EIPR1: variants seen among roughly 807,000 people sequenced by gnomAD.
The protein encoded by EIPR1 is EARP complex and GARP complex interacting protein 1.
EIPR1 carries 25 observed loss-of-function variants against 48.1 expected under a neutral mutation model. That is an observed-to-expected ratio of 0.52 (90% CI 0.38 to 0.73). The LOEUF is 0.73. EIPR1 is among the 30% of genes least tolerant of loss of function. The probability of loss-of-function intolerance (pLI) is 0.00; values close to 1 mark genes in which losing one functional copy is unlikely to be tolerated. For synonymous variants in EIPR1, 204 were observed against 201.9 expected, an observed-to-expected ratio of 1.01 and a Z score of -0.09; for missense variants, 415 against 506.2, an observed-to-expected ratio of 0.82 and a Z score of 1.73.
intron 3 of EIPR1, among the ~76,000 whole-genome samples, chr2:3,334,608 G>A (rs752294764): frequency 2.6e-5 from 4 of 152,240 alleles, no homozygotes; most frequent in African/African-American, 9.6e-5. Flanking sequence ...GCTTCGAAGG[G>A]CGAAGAGCCA....
At position 3,313,854 on chromosome 2, in the gene EIPR1, C is replaced by T. The variant is rs531380595; in HGVS notation, c.259+24163G>A. The stretch of plus-strand genomic sequence containing the variant: ...AAAACAGGATTCGGATCAGGGAGGG[C>T]GAGGAAGGCAGAGGCAAGAGGGCTC... On this transcript the variant is annotated intron_variant, in intron 3 of 8. Coordinates refer to ENST00000382125, the MANE Select transcript of EIPR1 (RefSeq NM_003310.5). Among the ~76,000 whole-genome samples, 8 of 152,250 alleles carry T rather than the reference C, an allele frequency of 5.3e-5. No homozygotes were observed. The East Asian group carries it at 5.8e-4, about 11-fold the overall frequency.
intron 1 of EIPR1, among the ~76,000 whole-genome samples, chr2:3,369,248 G>A (rs527640964): frequency 1.8e-4 from 27 of 152,294 alleles, no homozygotes; most frequent in Non-Finnish European, 2.9e-4. Flanking sequence ...AATATTTCAG[G>A]GAGGAGCCAA....
chr2:3,287,324 A>G (rs35742092), intron 3 of EIPR1, among the ~76,000 whole-genome samples: 147 of 133,692 alleles, frequency 1.1e-3, no homozygotes, highest in Middle Eastern at 5.3e-3. Context: ...CGTTCACCAC[A>G]CTCCAGAAAG....
chr2:3,240,420 A>T (rs1395833023), intron 4 of EIPR1, among the ~76,000 whole-genome samples: 1 of 151,030 alleles, frequency 6.6e-6, no homozygotes, highest in Non-Finnish European at 1.5e-5. Context: ...TCCTTCCTAA[A>T]GCAAAGCCAG....
chr2:3,370,508 T>C (rs1335407244), intron 1 of EIPR1, among the ~76,000 whole-genome samples: 2 of 152,030 alleles, frequency 1.3e-5, no homozygotes, highest in Admixed American at 1.3e-4. Context: ...TAGACGAATG[T>C]ATAACTAGAA....
chr2:3,196,255 G>A (rs768906565), intron 6 of EIPR1, among the ~76,000 whole-genome samples: 17 of 152,178 alleles, frequency 1.1e-4, no homozygotes, highest in Admixed American at 5.2e-4. Context: ...TTTTCAGCTC[G>A]GTGATAAATT....
chr2:3,236,297 G>A (rs981812267), intron 4 of EIPR1, among the ~76,000 whole-genome samples: 1 of 152,194 alleles, frequency 6.6e-6, no homozygotes, highest in Non-Finnish European at 1.5e-5. Context: ...AGAGAGTTCT[G>A]TTAAGGAACC....
chr2:3,295,809 C>T (rs1668557405), intron 3 of EIPR1, among the ~76,000 whole-genome samples: 1 of 141,544 alleles, frequency 7.1e-6, no homozygotes, highest in East Asian at 2.3e-4. Context: ...TACAAACACG[C>T]CCTCCATCCA....
At chr2:3,348,534 C>A (rs772762188) in intron 2 of EIPR1, among the ~76,000 whole-genome samples, 5 of 152,162 alleles carry the variant, frequency 3.3e-5, no homozygotes, top group Non-Finnish European at 7.4e-5. Context: ...CCCCAGAAAG[C>A]GAGCAAGGAC....
chr2:3,302,418 G>A (rs914339071), intron 3 of EIPR1, among the ~76,000 whole-genome samples: 1 of 152,228 alleles, frequency 6.6e-6, no homozygotes, highest in African/African-American at 2.4e-5. Flanking sequence ...GCAATTAGAA[G>A]ACAATCCCTC....
intron 4 of EIPR1, among the ~76,000 whole-genome samples, chr2:3,252,655 T>A (rs1033290366): frequency 6.6e-6 from 1 of 152,000 alleles, no homozygotes; most frequent in African/African-American, 2.4e-5. Flanking sequence ...GGGCAGAGCA[T>A]GGTGACTTGA....
chr2:3,274,146 T>C (rs1033834978), intron 3 of EIPR1, among the ~76,000 whole-genome samples: 3 of 152,092 alleles, frequency 2.0e-5, no homozygotes, highest in Non-Finnish European at 2.9e-5. Context: ...ATGTGGGAGA[T>C]AGACTGAGAG....
Position 3,295,313 on chromosome 2 carries a change from C to T in EIPR1, c.260-37858G>A, listed in dbSNP as rs568631565. On this transcript the variant is annotated intron_variant, in intron 3 of 8. Transcript: ENST00000382125. ...CCGTCCTCTCTCCACACACACCCTC[C>T]ATCCAGCCCATCCTCTCTACACACA... Among the ~76,000 whole-genome samples, 419 of 132,074 alleles carry T rather than the reference C, an allele frequency of 3.2e-3. 1 individual carries two copies. Among genetic ancestry groups the T allele is most frequent in the African/African-American group, 0.012 (399 of 34,306 alleles). The allele number at this position is 132,074 out of a possible 152,430, so 86.6% of individuals were successfully genotyped here.
intron 2 of EIPR1, among the ~76,000 whole-genome samples, chr2:3,346,181 T>C (rs1033394516): frequency 7.9e-5 from 12 of 152,196 alleles, no homozygotes; most frequent in African/African-American, 2.2e-4. Flanking sequence ...GCAGGGCCCA[T>C]GGGAGATTCT....
At chr2:3,295,797 TCTACAAACACGC>T (rs1668556435) in intron 3 of EIPR1, among the ~76,000 whole-genome samples, 1 of 126,698 alleles carries the variant, frequency 7.9e-6, no homozygotes. Context: ...GCCCATCCTC[TCTACAAACACGC>T]CCTCCATCCA....
rs542576803 is a variant in EIPR1 at position 3,279,287 on chromosome 2, C to T, written c.260-21832G>A. ...TAGGTTTCCAATATTTTTTCCCACA[C>T]TGGAATATCAAAAACACTCTCTTAT... is the stretch of plus-strand genomic sequence containing the variant. On this transcript the variant is annotated intron_variant, in intron 3 of 8. Coordinates refer to ENST00000382125, the MANE Select transcript of EIPR1 (RefSeq NM_003310.5). Among the ~76,000 whole-genome samples, 4 of 152,290 alleles carry T rather than the reference C, an allele frequency of 2.6e-5. No individual in the cohort carries two copies. In the South Asian group the frequency reaches 8.3e-4, roughly 32 times the overall value.
chr2:3,279,422 A>G (rs1439822532), intron 3 of EIPR1, among the ~76,000 whole-genome samples: 1 of 152,232 alleles, frequency 6.6e-6, no homozygotes, highest in African/African-American at 2.4e-5. Flanking sequence ...GGATACAGGG[A>G]TGCAGGGCCA....
chr2:3,366,810 T>C (rs1361641548), intron 1 of EIPR1, among the ~76,000 whole-genome samples: 1 of 152,174 alleles, frequency 6.6e-6, no homozygotes, highest in Non-Finnish European at 1.5e-5. Flanking sequence ...ATCCCAGCAC[T>C]TTGGGATGCC....
chr2:3,236,002 G>T (rs890113679), intron 4 of EIPR1, among the ~76,000 whole-genome samples: 2 of 152,054 alleles, frequency 1.3e-5, no homozygotes, highest in Non-Finnish European at 2.9e-5. Context: ...TAGTAATCAC[G>T]GTAAGAGCAA....
Sources: allele counts gnomAD v4.1 joint callset (sites outside exome capture counted in the v4.1 genomes callset), GRCh38; gene constraint gnomAD v4.1.1; transcripts MANE v1.5; gene names NCBI Gene and HGNC (gene_info 2026-07-23, HGNC 2026-07-21).